DIP2C: variants seen among roughly 807,000 people sequenced by gnomAD.
DIP2C encodes DIP2 acetate--CoA ligase C (putative).
In DIP2C, 33 loss-of-function variants were observed where a neutral mutation model predicts 192.4. The observed-to-expected ratio is 0.17, with a 90% confidence interval of 0.13 to 0.23. DIP2C has a LOEUF of 0.23. Ranked by LOEUF, DIP2C falls within the 10% of genes least tolerant of loss-of-function variation. The probability of loss-of-function intolerance (pLI) is 1.00; values close to 1 mark genes in which losing one functional copy is unlikely to be tolerated. For synonymous variants in DIP2C, 979 were observed against 864.1 expected, an observed-to-expected ratio of 1.13 and a Z score of -2.33; for missense variants, 1,537 against 2,110.1, an observed-to-expected ratio of 0.73 and a Z score of 5.32.
At chr10:504,075 C>G (rs1246427276) in intron 1 of DIP2C, among the ~76,000 whole-genome samples, 1 of 152,236 alleles carries the variant, frequency 6.6e-6, no homozygotes, top group African/African-American at 2.4e-5. Flanking sequence ...GAAATACTCT[C>G]TCTTCATCTC....
chr10:448,541 C>A (rs75448893), intron 3 of DIP2C, among the ~76,000 whole-genome samples: 2,354 of 116,316 alleles, frequency 0.02, 2 homozygotes, highest in African/African-American at 0.1. Flanking sequence ...GGATCACACA[C>A]AGTGGGGCAG....
Position 548,505 on chromosome 10 carries a change from A to AGGAG in DIP2C, c.86-61979_86-61976dup, listed in dbSNP as rs148379693. On this transcript the variant is annotated intron_variant, in intron 1 of 36. Transcript: ENST00000280886. ...CAGTGAGGCCAGAGGTGATGTGGCCAGGAGGGAGGGAGGGAGGCAGGCAGG... is the reference window on the plus strand; with the variant it reads ...CAGTGAGGCCAGAGGTGATGTGGCCAGGAGGGAGGGAGGGAGGGAGGCAGGCAGG... 2.9e-3 allele frequency among the ~76,000 whole-genome samples: 385 copies of AGGAG among 133,200 alleles called. 4 individuals carry two copies. The highest frequency in any genetic ancestry group is 9.8e-3 in the African/African-American group (323 of 33,040). The allele number at this position is 133,200 out of a possible 152,430, so 87.4% of individuals were successfully genotyped here.
chr10:508,976 TCA>T (rs1367058905), intron 1 of DIP2C, among the ~76,000 whole-genome samples: 2 of 152,172 alleles, frequency 1.3e-5, no homozygotes, highest in East Asian at 1.9e-4. Flanking sequence ...GGGCACCCCT[TCA>T]CAGAGTAAAT....
rs762665203 is a variant in DIP2C at position 390,711 on chromosome 10, T to C, written c.1384+29A>G. On this transcript the variant is annotated intron_variant, in intron 11 of 36. Coordinates refer to ENST00000280886, the MANE Select transcript of DIP2C (RefSeq NM_014974.3). ...CGTCTTCTGACAAAGGACGTGGGCA[T>C]GCGAGCTCTCGGAGGCTCGGTGGCT... is the stretch of plus-strand genomic sequence containing the variant. The C allele has an allele frequency of 3.1e-5, 49 of 1,605,772 alleles. No individual in the cohort carries two copies. The Admixed American group carries it at 3.8e-4, about 12-fold the overall frequency.
At chr10:444,302 A>G (rs147406939) in intron 3 of DIP2C, among the ~76,000 whole-genome samples, 459 of 104,148 alleles carry the variant, frequency 4.4e-3, no homozygotes, top group African/African-American at 0.03. Context: ...GTTCCTTGGC[A>G]CTGTTCCGTC....
intron 14 of DIP2C, among the ~76,000 whole-genome samples, chr10:386,622 C>T (rs1353910860): frequency 6.6e-6 from 1 of 152,192 alleles, no homozygotes; most frequent in Non-Finnish European, 1.5e-5. Flanking sequence ...AGAAGCCAGC[C>T]GGGCTGCTCT....
intron 4 of DIP2C, among the ~76,000 whole-genome samples, chr10:433,498 G>C (rs1371954981): frequency 1.3e-5 from 2 of 151,940 alleles, no homozygotes; most frequent in Non-Finnish European, 2.9e-5. Context: ...CCAACATAGT[G>C]AAACCCCATC....
Position 281,284 on chromosome 10 carries a change from T to G in DIP2C, c.4334A>C (p.Glu1445Ala). The change falls in exon 36 of 37, where the codon GAA becomes GCA. Residue 1445 changes from glutamate (E) to alanine (A), a missense_variant. Glu to Ala is a moderately radical substitution (Grantham distance 107). Coordinates refer to ENST00000280886, the MANE Select transcript of DIP2C (RefSeq NM_014974.3). The part of the protein sequence containing the change: ...DALYVVGALD[E>A]AMELRGMRYH... ...CCGCATGCCCCGCAGCTCCATGGCT[T>G]CGTCCAGTGCCCCTACCACGTAGAG... is the stretch of plus-strand genomic sequence containing the variant. The G allele has an allele frequency of 6.2e-7, 1 of 1,614,156 alleles. No homozygotes were observed. Among genetic ancestry groups the G allele is most frequent in the Non-Finnish European group, 8.5e-7 (1 of 1,180,004 alleles).
intron 17 of DIP2C, among the ~76,000 whole-genome samples, chr10:379,933 C>T (rs541287715): frequency 6.6e-6 from 1 of 151,808 alleles, no homozygotes; most frequent in South Asian, 2.1e-4. Flanking sequence ...GCAGAAAAGG[C>T]TGTCCCTGGA....
At chr10:586,606 A>C (rs1851047658) in intron 1 of DIP2C, among the ~76,000 whole-genome samples, 1 of 152,206 alleles carries the variant, frequency 6.6e-6, no homozygotes, top group African/African-American at 2.4e-5. Context: ...ACTAGAGCCC[A>C]ACACATCTCT....
At chr10:279,077 G>T (rs1444425287) in intron 36 of DIP2C, among the ~76,000 whole-genome samples, 1 of 152,192 alleles carries the variant, frequency 6.6e-6, no homozygotes, top group Non-Finnish European at 1.5e-5. Context: ...ATGTTAAATT[G>T]AAAGGGAAAA....
intron 1 of DIP2C, among the ~76,000 whole-genome samples, chr10:592,425 G>A (rs981693162): frequency 6.6e-6 from 1 of 152,118 alleles, no homozygotes; most frequent in African/African-American, 2.4e-5. Flanking sequence ...AATGTCCATC[G>A]ATACGAAAAC....
intron 18 of DIP2C, among the ~76,000 whole-genome samples, chr10:367,056 A>C (rs1589622209): frequency 1.3e-5 from 2 of 152,216 alleles, no homozygotes; most frequent in South Asian, 4.1e-4. Flanking sequence ...AAAGAGCCTA[A>C]AACAGCCGGC....
chr10:391,407 G>C (rs1051938182), intron 10 of DIP2C, among the ~76,000 whole-genome samples: 1 of 152,352 alleles, frequency 6.6e-6, no homozygotes, highest in East Asian at 1.9e-4. Flanking sequence ...CAGTCTCAAC[G>C]AACTAACTGA....
At chr10:571,444 C>CT (rs1491414592) in intron 1 of DIP2C, among the ~76,000 whole-genome samples, 5 of 151,380 alleles carry the variant, frequency 3.3e-5, no homozygotes, top group African/African-American at 1.2e-4. Flanking sequence ...GCCCACTGCC[C>CT]TCTCTCTTCC....
rs1014932780 is a variant in DIP2C at position 378,835 on chromosome 10, GAACA to G, written c.1991+3808_1991+3811del. ...CAAATGAACAGACATGCACAGATGT[GAACA>G]GACATGCATAGACACATGTGAACAG... On this transcript the variant is annotated intron_variant, in intron 17 of 36. Transcript: ENST00000280886. Among the ~76,000 whole-genome samples the G allele has an allele frequency of 6.0e-5, 9 of 150,876 alleles. No individual in the cohort carries two copies. In the South Asian group the frequency reaches 6.3e-4, roughly 11 times the overall value.
At chr10:431,137 T>A (rs957706211) in intron 4 of DIP2C, among the ~76,000 whole-genome samples, 2 of 152,238 alleles carry the variant, frequency 1.3e-5, no homozygotes, top group African/African-American at 2.4e-5. Context: ...TGAAGTTGCA[T>A]AGTGTCAGTC....
Position 386,695 on chromosome 10 carries a change from G to A in DIP2C, c.1662+1050C>T, listed in dbSNP as rs200348731. On this transcript the variant is annotated intron_variant, in intron 14 of 36. Transcript: ENST00000280886. Reference sequence around the variant, plus strand: ...CTCCTCTTCACATGAATTCTGGTTCGCCAAGAAACGGCGAATACAGGAATT... The same window carrying A: ...CTCCTCTTCACATGAATTCTGGTTCACCAAGAAACGGCGAATACAGGAATT... Among the ~76,000 whole-genome samples the A allele has an allele frequency of 5.3e-5, 8 of 152,166 alleles. No individual in the cohort carries two copies. The East Asian group carries it at 5.8e-4, about 11-fold the overall frequency.
intron 14 of DIP2C, among the ~76,000 whole-genome samples, chr10:385,006 C>T (rs142512162): frequency 6.8e-6 from 1 of 146,658 alleles, no homozygotes; most frequent in Non-Finnish European, 1.5e-5. Context: ...CCCGGAAGAG[C>T]AGCAGGTCTC....
Sources: allele counts gnomAD v4.1 joint callset (sites outside exome capture counted in the v4.1 genomes callset), GRCh38; gene constraint gnomAD v4.1.1; transcripts MANE v1.5; gene names NCBI Gene and HGNC (gene_info 2026-07-23, HGNC 2026-07-21).